ATP2B4: variants seen among roughly 807,000 people sequenced by gnomAD.
The protein encoded by ATP2B4 is ATPase plasma membrane Ca2+ transporting 4, also known as plasma membrane calcium-transporting ATPase 4.
In ATP2B4, 39 loss-of-function variants were observed where a neutral mutation model predicts 110.3. The observed-to-expected ratio is 0.35, with a 90% confidence interval of 0.27 to 0.46. The LOEUF is 0.46. Among genes scored for constraint, ATP2B4 ranks in the 20% least tolerant of loss-of-function variants. The pLI is 1.00. For synonymous variants in ATP2B4, 538 were observed against 571.7 expected (o/e 0.94, Z 0.84); for missense variants, 1,135 against 1,530.9 (o/e 0.74, Z 4.32).
chr1:203,661,138 A>G (rs1387945239), intron 1 of ATP2B4, among the ~76,000 whole-genome samples: 2 of 151,896 alleles, frequency 1.3e-5, no homozygotes, highest in Admixed American at 6.6e-5. Flanking sequence ...CCCAAGGTCA[A>G]ATGGGTAGTG....
At chr1:203,692,855 G>T (rs879077270) in intron 2 of ATP2B4, among the ~76,000 whole-genome samples, 1 of 152,288 alleles carries the variant, frequency 6.6e-6, no homozygotes, top group Middle Eastern at 3.4e-3. Flanking sequence ...TTCCCACCCA[G>T]CCTGGGCAGG....
chr1:203,662,472 C>A (rs1422212368), intron 1 of ATP2B4, among the ~76,000 whole-genome samples: 1 of 152,232 alleles, frequency 6.6e-6, no homozygotes, highest in Non-Finnish European at 1.5e-5. Context: ...CCATTCCCCA[C>A]TCCATCCAGC....
chr1:203,628,178 A>C (rs1663146220), intron 1 of ATP2B4, among the ~76,000 whole-genome samples: 1 of 152,178 alleles, frequency 6.6e-6, no homozygotes, highest in South Asian at 2.1e-4. Flanking sequence ...GCTAGGAATT[A>C]AGACTGGGAT....
chr1:203,723,815 T>C lies in ATP2B4; in HGVS notation c.3025-66T>C, dbSNP rs1666420385. ...TGGGATGATGTGGCTTTGGGGGCCT[T>C]GGCTGGAGGGCCAGCTGCCTGTTAG... On this transcript the variant is annotated intron_variant, in intron 18 of 20. Transcript: ENST00000357681. 9 of 1,358,896 alleles carry C rather than the reference T, an allele frequency of 6.6e-6. No homozygotes were observed. In the East Asian group the frequency reaches 2.3e-4, roughly 34 times the overall value. The allele number at this position is 1,358,896 out of a possible 1,614,324, so 84.2% of individuals were successfully genotyped here.
chr1:203,711,620 G>A (rs966768863), intron 12 of ATP2B4, among the ~76,000 whole-genome samples: 6 of 152,186 alleles, frequency 3.9e-5, no homozygotes, highest in Non-Finnish European at 8.8e-5. Flanking sequence ...AAAAGCTTCT[G>A]CTAGAAAAGA....
chr1:203,660,582 G>T (rs564223583), intron 1 of ATP2B4, among the ~76,000 whole-genome samples: 1 of 151,848 alleles, frequency 6.6e-6, no homozygotes, highest in Non-Finnish European at 1.5e-5. Flanking sequence ...TGGGCAGATC[G>T]TGAGGTCAAG....
intron 1 of ATP2B4, among the ~76,000 whole-genome samples, chr1:203,662,800 G>A (rs1387768825): frequency 1.3e-5 from 2 of 152,160 alleles, no homozygotes; most frequent in African/African-American, 2.4e-5. Flanking sequence ...CCTTGTAGCA[G>A]GAAACTGAGG....
At chr1:203,684,359 T>A (rs1351908633) in intron 2 of ATP2B4, among the ~76,000 whole-genome samples, 1 of 150,856 alleles carries the variant, frequency 6.6e-6, no homozygotes, top group Admixed American at 6.6e-5. Flanking sequence ...CTCTATTTTT[T>A]TTTTTTTTTT....
chr1:203,689,203 A>G (rs1376338750), intron 2 of ATP2B4, among the ~76,000 whole-genome samples: 1 of 152,214 alleles, frequency 6.6e-6, no homozygotes, highest in African/African-American at 2.4e-5. Flanking sequence ...TCTGGGATGA[A>G]AATTACCTGT....
intron 12 of ATP2B4, 104 bp downstream of exon 12, chr1:203,711,212 G>T: frequency 1.9e-6 from 2 of 1,052,408 alleles, no homozygotes; most frequent in Non-Finnish European, 2.8e-6. Flanking sequence ...CACTTAGAGG[G>T]ATAGAAGTTT....
intron 1 of ATP2B4, among the ~76,000 whole-genome samples, chr1:203,638,549 G>A (rs1663530444): frequency 6.6e-6 from 1 of 152,120 alleles, no homozygotes; most frequent in African/African-American, 2.4e-5. Context: ...CTGAGACAGA[G>A]CATTTGAGAT....
At chr1:203,734,285 T>C (rs1666819979) in intron 20 of ATP2B4, among the ~76,000 whole-genome samples, 3 of 149,730 alleles carry the variant, frequency 2.0e-5, no homozygotes, top group African/African-American at 7.4e-5. Flanking sequence ...CCCTGGGCGA[T>C]AGAGCAAGAC....
At chr1:203,645,466 G>GT (rs1380128470) in intron 1 of ATP2B4, among the ~76,000 whole-genome samples, 17 of 151,390 alleles carry the variant, frequency 1.1e-4, no homozygotes, top group African/African-American at 3.9e-4. Context: ...TTTTGTGAGG[G>GT]GTTTTTTTAT....
intron 1 of ATP2B4, among the ~76,000 whole-genome samples, chr1:203,655,199 T>C (rs1260551515): frequency 1.3e-5 from 2 of 152,196 alleles, no homozygotes; most frequent in African/African-American, 4.8e-5. Context: ...CTGTTGAAGA[T>C]GCTGTAAATA....
intron 1 of ATP2B4, among the ~76,000 whole-genome samples, chr1:203,647,902 A>T (rs1663854031): frequency 6.6e-6 from 1 of 152,116 alleles, no homozygotes; most frequent in African/African-American, 2.4e-5. Context: ...AGAGGGGAGA[A>T]GGCTTGGAAC....
In ATP2B4 at chr1:203,699,531, A is replaced by G; in HGVS notation, c.463A>G (p.Ile155Val). The G allele has an allele frequency of 3.1e-6, 5 of 1,614,214 alleles. No homozygotes were observed. The highest frequency in any genetic ancestry group is 4.2e-6 in the Non-Finnish European group (5 of 1,180,040). ...AGCTGGCTGGATTGAGGGGGCAGCC[A>G]TCCTTTTCTCAGTGATCATCGTGGT... Reference protein sequence around the residue: ...AQAGWIEGAAILFSVIIVVLV... With the variant: ...AQAGWIEGAAVLFSVIIVVLV... The change falls in exon 4 of 21, where the codon ATC (isoleucine) becomes GTC (valine). Residue 155 changes from isoleucine to valine, a missense_variant. Ile to Val is a conservative substitution (Grantham distance 29). This residue lies in a region of ATP2B4 where 101 missense variants were observed against 182.6 expected (regional missense o/e 0.55). Coordinates refer to ENST00000357681, the MANE Select transcript of ATP2B4 (RefSeq NM_001684.5).
In ATP2B4 at chr1:203,739,719, G is replaced by A. The variant is rs555294731; in HGVS notation, c.3483G>A (p.Lys1161=). The change falls in exon 21 of 21, where the codon AAG becomes AAA. Residue 1161 remains lysine (K), a synonymous_variant. Transcript: ENST00000357681. The part of the protein sequence containing the change: ...EEEENPDKAS[K]FGTRVLLLDG... ...AGGAAAATCCTGACAAGGCTTCTAAGTTTGGGACTAGGGTGCTCCTGTTGG... is the reference window on the plus strand; with the variant it reads ...AGGAAAATCCTGACAAGGCTTCTAAATTTGGGACTAGGGTGCTCCTGTTGG... The A allele has an allele frequency of 1.2e-6, 2 of 1,614,196 alleles. No individual in the cohort carries two copies. The highest frequency in any genetic ancestry group is 1.1e-5 in the South Asian group (1 of 91,080).
At chr1:203,701,220 G>A (rs371109105) in intron 6 of ATP2B4, among the ~76,000 whole-genome samples, 1 of 152,144 alleles carries the variant, frequency 6.6e-6, no homozygotes, top group Admixed American at 6.5e-5. Flanking sequence ...AAACTGGCTA[G>A]GTGCTGGTAG....
intron 1 of ATP2B4, among the ~76,000 whole-genome samples, chr1:203,681,658 T>C (rs10736845): frequency 0.85 from 128,357 of 151,470 alleles, 54,904 homozygotes; most frequent in East Asian, 1. Flanking sequence ...CCCTCCGTTT[T>C]GTCACCTACA....
Sources: allele counts gnomAD v4.1 joint callset (sites outside exome capture counted in the v4.1 genomes callset), GRCh38; gene constraint gnomAD v4.1.1; regional missense constraint gnomAD v4.1.1; transcripts MANE v1.5; gene names NCBI Gene and HGNC (gene_info 2026-07-23, HGNC 2026-07-21).